The following CSTF3 variants were observed in gnomAD, a reference collection of about 807,000 sequenced individuals.
CSTF3 encodes CF-1 77 kDa subunit.
A neutral mutation model predicts 105.8 loss-of-function variants in CSTF3; 29 were observed. The ratio of observed to expected loss-of-function variants is 0.27; its 90% CI spans 0.20 to 0.37. The LOEUF is 0.37. Among genes scored for constraint, CSTF3 ranks in the 10% least tolerant of loss-of-function variants. CSTF3 has a pLI of 1.00. For missense variants in CSTF3, 357 were observed against 879.3 expected (o/e 0.41, Z 7.51); for synonymous variants, 252 against 281.9 (o/e 0.89, Z 1.06).
At chr11:33,095,947 T>C (rs1855218889) in intron 15 of CSTF3, among the ~76,000 whole-genome samples, 1 of 151,502 alleles carries the variant, frequency 6.6e-6, no homozygotes, top group Non-Finnish European at 1.5e-5. Context: ...AGTTTGAGTT[T>C]TGGTGGCTAG....
chr11:33,101,908 T>C (rs1443872118), intron 10 of CSTF3, among the ~76,000 whole-genome samples: 1 of 151,594 alleles, frequency 6.6e-6, no homozygotes, highest in Non-Finnish European at 1.5e-5. Flanking sequence ...AAAAAAGAAA[T>C]ATAAAAAATA....
chr11:33,102,078 A>G, intron 10 of CSTF3, 99 bp downstream of exon 10: 1 of 833,602 alleles, frequency 1.2e-6, no homozygotes, highest in Non-Finnish European at 1.9e-6. Flanking sequence ...AGAACAAAAG[A>G]AAAAAAGATT....
chr11:33,093,120 A>T (rs1245426781), intron 15 of CSTF3, among the ~76,000 whole-genome samples: 1 of 152,170 alleles, frequency 6.6e-6, no homozygotes, highest in East Asian at 1.9e-4. Context: ...CCAGCAGAGG[A>T]GTTGTTTTTT....
chr11:33,142,703 G>A (rs1274520291), intron 1 of CSTF3, among the ~76,000 whole-genome samples: 1 of 152,004 alleles, frequency 6.6e-6, no homozygotes, highest in African/African-American at 2.4e-5. Context: ...TTTAAATATT[G>A]ATTGATTTAC....
At chr11:33,148,923 C>T (rs1441588176) in intron 1 of CSTF3, among the ~76,000 whole-genome samples, 2 of 147,354 alleles carry the variant, frequency 1.4e-5, no homozygotes, top group African/African-American at 5.0e-5. Context: ...AGATCCTGGG[C>T]TCCAGTGATC....
At chr11:33,143,489 T>A (rs962019394) in intron 1 of CSTF3, among the ~76,000 whole-genome samples, 2 of 152,126 alleles carry the variant, frequency 1.3e-5, no homozygotes, top group East Asian at 3.8e-4. Context: ...GTGGCTCACA[T>A]CTACAATCCC....
chr11:33,115,809 T>C, intron 3 of CSTF3, among the ~76,000 whole-genome samples: 1 of 152,214 alleles, frequency 6.6e-6, no homozygotes. Context: ...GGTGTAGTAG[T>C]TCATGCCTAT....
chr11:33,144,619 CAAAT>C (rs1349744988), intron 1 of CSTF3, among the ~76,000 whole-genome samples: 1 of 152,076 alleles, frequency 6.6e-6, no homozygotes, highest in Non-Finnish European at 1.5e-5. Flanking sequence ...TCTTTCTGCC[CAAAT>C]AAACTTAAGA....
rs750644457 is a variant in CSTF3 at position 33,085,223 on chromosome 11, G to A, written c.2018C>T (p.Pro673Leu). 2 of 1,603,952 alleles carry A rather than the reference G, an allele frequency of 1.2e-6. No homozygotes were observed. The highest frequency in any genetic ancestry group is 4.5e-5 in the East Asian group (2 of 44,754). The change falls in exon 21 of 21, where the codon CCC becomes CTC. Residue 673 changes from proline to leucine, a missense_variant. Transcript: ENST00000323959. ...GGTGAGTACTGCATTACTTTCCACG[G>A]GGCCGTTGCCTTCTACAGCTAGCTC... ...APELAVEGNGPVESNAVLTKA... is the reference protein window; with the variant it reads ...APELAVEGNGLVESNAVLTKA...
At position 33,092,935 on chromosome 11, in the gene CSTF3, A is replaced by C. The variant is rs954028406; in HGVS notation, c.1376-595T>G. Among the ~76,000 whole-genome samples the C allele has an allele frequency of 8.5e-5, 13 of 152,312 alleles. No homozygotes were observed. In the East Asian group the frequency reaches 1.9e-3, roughly 23 times the overall value. ...GTCTCAGGAGGTCCTCTATATCTGG[A>C]AGTGGGAAAATGACACTTCTTGCTA... On this transcript the variant is annotated intron_variant, in intron 15 of 20. Transcript: ENST00000323959.
At chr11:33,142,051 C>G (rs1159885117) in intron 1 of CSTF3, 65 bp from the exon 2 acceptor site, 6 of 1,600,548 alleles carry the variant, frequency 3.7e-6, no homozygotes, top group Non-Finnish European at 5.1e-6. Flanking sequence ...TAACTTAATT[C>G]ATGAACAATA....
chr11:33,122,914 C>CAAAAAAAAAAA (rs10600978), intron 3 of CSTF3, among the ~76,000 whole-genome samples: 75 of 83,690 alleles, frequency 9.0e-4, no homozygotes, highest in East Asian at 1.3e-3. Flanking sequence ...TATCCTGTCT[C>CAAAAAAAAAAA]AAAAAAAAAA....
At chr11:33,122,181 ATAAAG>A (rs1347738495) in intron 3 of CSTF3, among the ~76,000 whole-genome samples, 2 of 152,234 alleles carry the variant, frequency 1.3e-5, no homozygotes, top group Non-Finnish European at 1.5e-5. Context: ...ACCAAATTCT[ATAAAG>A]TATTTAATTA....
intron 1 of CSTF3, among the ~76,000 whole-genome samples, chr11:33,142,231 C>T (rs1257613773): frequency 1.3e-5 from 2 of 151,766 alleles, no homozygotes; most frequent in East Asian, 3.9e-4. Context: ...AAAAAAAAGA[C>T]AGCACTAAAC....
intron 13 of CSTF3, 86 bp from the exon 14 acceptor site, chr11:33,097,064 G>A: frequency 3.3e-6 from 3 of 920,346 alleles, no homozygotes; most frequent in Non-Finnish European, 4.6e-6. Context: ...CAATAAATTA[G>A]AAAGTAGGAA....
At chr11:33,109,183 T>C (rs2133779518) in intron 3 of CSTF3, among the ~76,000 whole-genome samples, 2 of 152,342 alleles carry the variant, frequency 1.3e-5, no homozygotes, top group East Asian at 3.9e-4. Flanking sequence ...TAAATACTAT[T>C]AGATTTCTCT....
chr11:33,109,305 G>A (rs141807513), intron 3 of CSTF3, among the ~76,000 whole-genome samples: 2 of 152,202 alleles, frequency 1.3e-5, no homozygotes, highest in African/African-American at 4.8e-5. Context: ...GATTAGAGAA[G>A]TTTTGGTCCT....
At chr11:33,127,713 T>C (rs562641943) in intron 3 of CSTF3, among the ~76,000 whole-genome samples, 54 of 152,350 alleles carry the variant, frequency 3.5e-4, no homozygotes, top group Non-Finnish European at 1.8e-4. Context: ...TTTTGAGAGA[T>C]GTTTGGAAAC....
At chr11:33,146,693 AAAC>A (rs1428594125) in intron 1 of CSTF3, among the ~76,000 whole-genome samples, 2 of 151,784 alleles carry the variant, frequency 1.3e-5, no homozygotes, top group African/African-American at 2.4e-5. Context: ...GGAGACATGC[AAAC>A]AACACATACA....
Sources: gnomAD v4.1 joint callset for allele counts (sites outside exome capture counted in the v4.1 genomes callset) on GRCh38, gnomAD v4.1.1 for gene constraint, MANE v1.5 for transcripts, NCBI Gene and HGNC (gene_info 2026-07-23, HGNC 2026-07-21) for gene names.